SP140: variants seen among roughly 807,000 people sequenced by gnomAD.
The protein encoded by SP140 is nuclear body protein SP140.
A neutral mutation model predicts 125.0 loss-of-function variants in SP140; 81 were observed. The observed-to-expected ratio is 0.65, with a 90% CI of 0.54 to 0.78. The LOEUF is 0.78. Ranked by LOEUF, SP140 falls within the 30% of genes least tolerant of loss-of-function variation. SP140 has a pLI of 0.00. For synonymous variants in SP140, 312 were observed against 354.0 expected (o/e 0.88, Z 1.33); for missense variants, 858 against 1,037.0 (o/e 0.83, Z 2.37).
the SP140 span, among the ~76,000 whole-genome samples, chr2:230,197,370 G>A: frequency 3.4e-3 from 513 of 150,204 alleles, 3 homozygotes; most frequent in African/African-American, 0.011. Context: ...CATATCCTTC[G>A]CCCACTTTTT....
intron 1 of SP140, among the ~76,000 whole-genome samples, chr2:230,234,156 G>C (rs2047644634): frequency 6.6e-6 from 1 of 152,186 alleles, no homozygotes; most frequent in African/African-American, 2.4e-5. Flanking sequence ...TAAAAATGGA[G>C]TAGGGTGATC....
chr2:230,314,420 G>A (rs751059009), downstream of SP140, among the ~76,000 whole-genome samples: 4 of 152,234 alleles, frequency 2.6e-5, no homozygotes, highest in Non-Finnish European at 5.9e-5. Context: ...GATTGTGTCT[G>A]GGAGTGGATC....
upstream of SP140, among the ~76,000 whole-genome samples, chr2:230,224,671 C>G (rs935312138): frequency 6.6e-6 from 1 of 152,164 alleles, no homozygotes; most frequent in African/African-American, 2.4e-5. Context: ...CTGTATTTTG[C>G]AAACTTATGT....
upstream of SP140, among the ~76,000 whole-genome samples, chr2:230,198,684 T>A (rs1484604350): frequency 6.6e-6 from 1 of 152,094 alleles, no homozygotes; most frequent in Non-Finnish European, 1.5e-5. Context: ...AACCTCTGCC[T>A]CCTGGGTTCA....
At chr2:230,308,972 G>A (rs988679160) in intron 22 of SP140, among the ~76,000 whole-genome samples, 12 of 152,324 alleles carry the variant, frequency 7.9e-5, no homozygotes, top group South Asian at 2.1e-4. Flanking sequence ...AATACAGCAT[G>A]TATGTATTGG....
intron 1 of SP140, among the ~76,000 whole-genome samples, chr2:230,229,412 T>C (rs180911997): frequency 7.9e-5 from 12 of 151,468 alleles, no homozygotes; most frequent in Admixed American, 7.9e-4. Flanking sequence ...TATGTAAATC[T>C]GAGTTTCTGG....
intron 13 of SP140, 42 bp from the exon 14 acceptor site, chr2:230,269,795 G>T (rs1429629375): frequency 1.3e-6 from 2 of 1,484,820 alleles, no homozygotes; most frequent in Admixed American, 3.4e-5. Flanking sequence ...TAGAGTCACT[G>T]GGTCAAACTG....
rs765481417 is a variant in SP140, at chr2:230,211,439, CA to C, written c.-322-2213del. 1 of 1,369,502 alleles carries C rather than the reference CA, an allele frequency of 7.3e-7. No homozygotes were observed. The highest frequency in any genetic ancestry group is 2.3e-5 in the East Asian group (1 of 43,750). 84.8% of individuals were successfully genotyped at this position (1,369,502 alleles called of 1,614,324 possible). On this transcript the variant is annotated intron_variant, in intron 1 of 4. Coordinates refer to the SP140 transcript ENST00000456542. The surrounding 1 kb of genome is among the most constrained non-coding windows in gnomAD (Gnocchi z 4.2). ...CTCTTAGTAAACACAGAAACAAAGG[CA>C]AGCTTTTAGGTTGACCAAACCAAGA...
intron 16 of SP140, 93 bp from the exon 17 acceptor site, chr2:230,285,659 G>T: frequency 9.5e-7 from 1 of 1,049,512 alleles, no homozygotes; most frequent in South Asian, 1.3e-5. Flanking sequence ...GATCCAGAAT[G>T]AGACCCAGGA....
chr2:230,282,220 T>C (rs773788236), intron 15 of SP140, among the ~76,000 whole-genome samples: 6 of 152,078 alleles, frequency 3.9e-5, no homozygotes, highest in Non-Finnish European at 7.4e-5. Context: ...CTCTGGAAAA[T>C]TTCTAAGGAG....
intron 8 of SP140, 81 bp from the exon 9 acceptor site, chr2:230,248,804 C>T: frequency 1.8e-6 from 2 of 1,119,758 alleles, no homozygotes; most frequent in Non-Finnish European, 2.7e-6. Flanking sequence ...TCAGCATTTG[C>T]CCATCTTGGA....
intron 16 of SP140, among the ~76,000 whole-genome samples, chr2:230,285,215 A>T (rs541764577): frequency 6.6e-6 from 1 of 152,250 alleles, no homozygotes; most frequent in Non-Finnish European, 1.5e-5. Flanking sequence ...AAATTTTCAA[A>T]ATTTATTTTA....
At chr2:230,216,663 C>T in intron 3 of SP140, 1 of 1,228,492 alleles carries the variant, frequency 8.1e-7, no homozygotes, top group Non-Finnish European at 1.2e-6. Context: ...TGATAATGAA[C>T]ATGCCTGGGC....
At position 230,237,259 on chromosome 2, in the gene SP140, A is replaced by G. The variant is rs541091155; in HGVS notation, c.236A>G (p.Glu79Gly). The change falls in exon 2 of 27, where the codon GAA (glutamate) becomes GGA (glycine). Residue 79 changes from glutamate to glycine, a missense_variant and splice_region_variant. Physicochemically the swap from Glu to Gly is moderately conservative, Grantham distance 98. Around this residue, in one of 4 missense-constraint regions of SP140, gnomAD observed 791 missense variants for 869.5 expected, o/e 0.91. Coordinates refer to ENST00000392045, the MANE Select transcript of SP140 (RefSeq NM_007237.5). The surrounding 1 kb of genome is among the most constrained non-coding windows in gnomAD (Gnocchi z 5.4). ...TCCTTCATCTCCGAGCAGATGTATG[A>G]AGTAAGTAAGAATTTCCAAATGATG... ...DRSFISEQMY[E>G]HFQEAFRNLV... 1 of 1,609,086 alleles carries G rather than the reference A, an allele frequency of 6.2e-7. No homozygotes were observed. Among genetic ancestry groups the G allele is most frequent in the South Asian group, 1.1e-5 (1 of 90,476 alleles).
At chr2:230,294,962 A>G (rs957154310) in intron 21 of SP140, among the ~76,000 whole-genome samples, 2 of 152,202 alleles carry the variant, frequency 1.3e-5, no homozygotes, top group African/African-American at 2.4e-5. Context: ...CCAGAGGCAA[A>G]TGTATTTTAT....
chr2:230,269,551 T>C lies in SP140; in HGVS notation c.1260T>C (p.Asn420=). The change falls in exon 13 of 27, where the codon AAT becomes AAC. Residue 420 remains asparagine (N), a synonymous_variant. Transcript: ENST00000392045. The part of the protein sequence containing the change: ...RRGSVSSELE[N]HPMNEEGESE... ...CATTAGTGTCTAGTGAACTAGAAAA[T>C]CACCCAATGAATGAAGAAGGAGAAT... 1 of 1,606,858 alleles carries C rather than the reference T, an allele frequency of 6.2e-7. No homozygotes were observed.
intron 7 of SP140, among the ~76,000 whole-genome samples, chr2:230,247,096 G>C (rs894561921): frequency 6.6e-6 from 1 of 152,038 alleles, no homozygotes. Flanking sequence ...AGAGGCAGTC[G>C]ACCTCCCCCT....
chr2:230,278,090 T>C (rs948155525), intron 15 of SP140, among the ~76,000 whole-genome samples: 5 of 152,132 alleles, frequency 3.3e-5, no homozygotes, highest in African/African-American at 1.2e-4. Context: ...CCAATTTACA[T>C]TCCCACTTAG....
At chr2:230,273,212 A>G (rs1014004590) in intron 15 of SP140, among the ~76,000 whole-genome samples, 1 of 152,234 alleles carries the variant, frequency 6.6e-6, no homozygotes, top group Admixed American at 6.5e-5. Context: ...AAGATCTAAC[A>G]TCCAGCATCT....
Sources: gnomAD v4.1 joint callset for allele counts (sites outside exome capture counted in the v4.1 genomes callset) on GRCh38, gnomAD v4.1.1 for gene constraint, gnomAD v4.1.1 regional missense constraint, Gnocchi (gnomAD v3.1) non-coding constraint, MANE v1.5 for transcripts, NCBI Gene and HGNC (gene_info 2026-07-23, HGNC 2026-07-21) for gene names.